The following KMT2C variants were observed in gnomAD, a reference collection of about 807,000 sequenced individuals.
KMT2C encodes the protein lysine methyltransferase 2C.
A neutral mutation model predicts 507.9 loss-of-function variants in KMT2C; 88 were observed. The ratio of observed to expected loss-of-function variants is 0.17; its 90% CI spans 0.15 to 0.21. The LOEUF is 0.21. Ranked by LOEUF, KMT2C falls within the 10% of genes least tolerant of loss-of-function variation. The probability of loss-of-function intolerance (pLI) is 1.00; values close to 1 mark genes in which losing one functional copy is unlikely to be tolerated. For synonymous variants in KMT2C, 2,049 were observed against 2,080.8 expected (o/e 0.98, Z 0.42); for missense variants, 4,954 against 5,957.8 (o/e 0.83, Z 5.55).
intron 7 of KMT2C, among the ~76,000 whole-genome samples, chr7:152,269,577 A>T (rs1368051914): frequency 6.6e-6 from 1 of 152,360 alleles, no homozygotes; most frequent in South Asian, 2.1e-4. Context: ...CAGTTGAAAA[A>T]GCAAAGACAG....
chr7:152,193,420 G>A, intron 31 of KMT2C, among the ~76,000 whole-genome samples: 1 of 152,172 alleles, frequency 6.6e-6, no homozygotes. Context: ...TACAGGGATA[G>A]AAAGGTCACT....
chr7:152,142,494 AAG>A (rs1408067196), intron 55 of KMT2C, among the ~76,000 whole-genome samples: 1 of 152,262 alleles, frequency 6.6e-6, no homozygotes, highest in Non-Finnish European at 1.5e-5. Context: ...ATGCTGCAGG[AAG>A]AAGTGTGCAG....
At chr7:152,226,567 C>G (rs2129148999) in intron 18 of KMT2C, among the ~76,000 whole-genome samples, 1 of 152,236 alleles carries the variant, frequency 6.6e-6, no homozygotes, top group Non-Finnish European at 1.5e-5. Flanking sequence ...GATTTTTAAA[C>G]ATGTATATTT....
chr7:152,145,071 A>C, intron 54 of KMT2C, 82 bp downstream of exon 54: 3 of 1,521,222 alleles, frequency 2.0e-6, no homozygotes, highest in South Asian at 2.5e-5. Context: ...AGGGTTTGTA[A>C]GCAGCAGACA....
At chr7:152,419,554 C>T (rs1482980532) in intron 1 of KMT2C, among the ~76,000 whole-genome samples, 1 of 152,160 alleles carries the variant, frequency 6.6e-6, no homozygotes, top group Non-Finnish European at 1.5e-5. Context: ...TCCAGTTTTA[C>T]AGTTGTTGCC....
At chr7:152,192,047 A>G (rs1190675341) in intron 31 of KMT2C, among the ~76,000 whole-genome samples, 6 of 151,994 alleles carry the variant, frequency 3.9e-5, no homozygotes, top group Admixed American at 3.3e-4. Flanking sequence ...GAAAAAAAAA[A>G]AAAGAAAAAG....
intron 9 of KMT2C, among the ~76,000 whole-genome samples, chr7:152,259,404 G>C (rs898321262): frequency 5.3e-5 from 8 of 151,022 alleles, no homozygotes; most frequent in Non-Finnish European, 7.4e-5. Flanking sequence ...AAATAGTAGG[G>C]GGTTAGGGGG....
intron 7 of KMT2C, among the ~76,000 whole-genome samples, chr7:152,268,971 A>G (rs192004783): frequency 3.3e-5 from 5 of 152,334 alleles, no homozygotes; most frequent in African/African-American, 1.2e-4. Context: ...AAGTATCTCA[A>G]AATTTGAGAT....
chr7:152,354,368 T>C (rs991937088), intron 2 of KMT2C, among the ~76,000 whole-genome samples: 4 of 152,222 alleles, frequency 2.6e-5, no homozygotes, highest in Non-Finnish European at 5.9e-5. Context: ...ACTGCTTCAC[T>C]TAGTGAATCC....
intron 1 of KMT2C, among the ~76,000 whole-genome samples, chr7:152,360,572 A>T (rs1168560533): frequency 6.6e-6 from 1 of 151,064 alleles, no homozygotes; most frequent in Admixed American, 6.6e-5. Flanking sequence ...AGTGGCTCAC[A>T]CCTGTAATCC....
chr7:152,426,328 C>A (rs1350719402), intron 1 of KMT2C, among the ~76,000 whole-genome samples: 1 of 149,954 alleles, frequency 6.7e-6, no homozygotes, highest in Non-Finnish European at 1.5e-5. Flanking sequence ...GCCTCCAACT[C>A]CTGGGCTCAA....
intron 1 of KMT2C, among the ~76,000 whole-genome samples, chr7:152,393,547 C>G (rs1243358234): frequency 1.3e-5 from 2 of 152,172 alleles, no homozygotes; most frequent in Non-Finnish European, 2.9e-5. Context: ...CTGCAAGGAA[C>G]ATCCTTGCTC....
chr7:152,244,455 A>C (rs1137877), intron 14 of KMT2C, among the ~76,000 whole-genome samples: 1 of 152,190 alleles, frequency 6.6e-6, no homozygotes, highest in Admixed American at 6.5e-5. Context: ...CCCGAGATGG[A>C]AGGATCGCTT....
At chr7:152,184,389 G>A (rs1469700901) in intron 34 of KMT2C, among the ~76,000 whole-genome samples, 4 of 152,044 alleles carry the variant, frequency 2.6e-5, no homozygotes, top group South Asian at 2.1e-4. Context: ...GCTTTAAAAC[G>A]AAAGCAAGGA....
chr7:152,358,526 C>T (rs2129231263), intron 2 of KMT2C, 61 bp downstream of exon 2: 2 of 985,104 alleles, frequency 2.0e-6, no homozygotes, highest in Non-Finnish European at 3.2e-6. Context: ...ATGCTACATG[C>T]AGTGTACAAA....
At chr7:152,390,598 G>C (rs2097485042) in intron 1 of KMT2C, among the ~76,000 whole-genome samples, 1 of 152,210 alleles carries the variant, frequency 6.6e-6, no homozygotes. Flanking sequence ...CATCACAATA[G>C]ATGTTAATTA....
At chr7:152,220,426 T>A in intron 23 of KMT2C, 97 bp downstream of exon 23, 1 of 951,296 alleles carries the variant, frequency 1.1e-6, no homozygotes, top group South Asian at 1.5e-5. Flanking sequence ...TAAGTCAGTG[T>A]GATTTACCCT....
At chr7:152,375,790 A>G (rs967736030) in intron 1 of KMT2C, among the ~76,000 whole-genome samples, 3 of 152,028 alleles carry the variant, frequency 2.0e-5, no homozygotes, top group Admixed American at 6.6e-5. Context: ...CATTATTATT[A>G]TATCTGTGAT....
chr7:152,212,382 T>C (rs2094474713), intron 23 of KMT2C, among the ~76,000 whole-genome samples: 1 of 152,216 alleles, frequency 6.6e-6, no homozygotes, highest in South Asian at 2.1e-4. Context: ...CAAGGATGCC[T>C]ACTCTTAACA....
Sources: allele counts gnomAD v4.1 joint callset (sites outside exome capture counted in the v4.1 genomes callset), GRCh38; gene constraint gnomAD v4.1.1; transcripts MANE v1.5; gene names NCBI Gene and HGNC (gene_info 2026-07-23, HGNC 2026-07-21).